The following CYFIP1 variants were observed in gnomAD, a reference collection of about 807,000 sequenced individuals.
CYFIP1 encodes cytoplasmic FMR1 interacting protein 1.
CYFIP1 carries 58 observed loss-of-function variants against 163.5 expected under a neutral mutation model. The ratio of observed to expected loss-of-function variants is 0.35; its 90% confidence interval spans 0.29 to 0.44. The LOEUF (loss-of-function observed/expected upper bound fraction) is 0.44, where lower values mean the gene tolerates loss of function less well. Ranked by LOEUF, CYFIP1 falls within the 20% of genes least tolerant of loss-of-function variation. The pLI, the probability that CYFIP1 is intolerant of heterozygous loss-of-function variation, is 1.00. For synonymous variants in CYFIP1, 663 were observed against 660.7 expected (o/e 1.00, Z -0.05); for missense variants, 1,338 against 1,653.8 (o/e 0.81, Z 3.31).
intron 1 of CYFIP1, among the ~76,000 whole-genome samples, chr15:22,960,369 G>C (rs1007077476): frequency 2.0e-5 from 3 of 152,236 alleles, no homozygotes; most frequent in African/African-American, 7.2e-5. Flanking sequence ...CAGCGGGCTC[G>C]TGCTCTGGGA....
At chr15:22,914,621 A>G in intron 17 of CYFIP1, 105 bp downstream of exon 17, 2 of 1,256,562 alleles carry the variant, frequency 1.6e-6, no homozygotes, top group Non-Finnish European at 2.1e-6. Flanking sequence ...CAGAAACTTG[A>G]TTTCAAATAC....
Position 22,883,520 on chromosome 15 carries a change from A to G in CYFIP1, c.2677-509T>C, listed in dbSNP as rs1248115218. Among the ~76,000 whole-genome samples the G allele has an allele frequency of 2.6e-5, 4 of 152,140 alleles. No homozygotes were observed. In the East Asian group the frequency reaches 7.7e-4, roughly 29 times the overall value. Reference sequence around the variant, plus strand: ...ACCCAAGACTGCATAATTTATTTTAAAAAAAAGCAGGTTTAGGCCAGGCGC... The same window carrying G: ...ACCCAAGACTGCATAATTTATTTTAGAAAAAAGCAGGTTTAGGCCAGGCGC... On this transcript the variant is annotated intron_variant, in intron 23 of 30. Coordinates refer to ENST00000617928, the MANE Select transcript of CYFIP1 (RefSeq NM_014608.6).
At chr15:22,930,535 C>G (rs1213184150) in intron 11 of CYFIP1, among the ~76,000 whole-genome samples, 1 of 152,014 alleles carries the variant, frequency 6.6e-6, no homozygotes, top group Admixed American at 6.6e-5. Context: ...CCCATAAAAT[C>G]TTAACGTAGT....
At chr15:22,945,448 T>C (rs1443137340) in intron 3 of CYFIP1, among the ~76,000 whole-genome samples, 1 of 152,338 alleles carries the variant, frequency 6.6e-6, no homozygotes, top group East Asian at 1.9e-4. Flanking sequence ...AGAGAGTCCA[T>C]GGGAAGAGGA....
At chr15:22,945,103 T>TG in intron 3 of CYFIP1, among the ~76,000 whole-genome samples, 164 bp from the exon 4 acceptor site, 1 of 152,048 alleles carries the variant, frequency 6.6e-6, no homozygotes, top group East Asian at 1.9e-4. Context: ...GGTGCGGCGC[T>TG]GGGGGCCACA....
intron 1 of CYFIP1, among the ~76,000 whole-genome samples, chr15:22,966,205 T>G (rs1443974326): frequency 1.3e-5 from 2 of 150,956 alleles, no homozygotes; most frequent in Non-Finnish European, 3.0e-5. Context: ...AAATACAAAA[T>G]TAGCCAGGCG....
At chr15:22,915,650 G>A (rs2060949077) in intron 16 of CYFIP1, among the ~76,000 whole-genome samples, 1 of 152,192 alleles carries the variant, frequency 6.6e-6, no homozygotes, top group Non-Finnish European at 1.5e-5. Context: ...TTGGGAGGCT[G>A]AGGGAGGAGA....
chr15:22,948,020 G>A, intron 1 of CYFIP1: 3 of 983,970 alleles, frequency 3.0e-6, no homozygotes, highest in Non-Finnish European at 3.6e-6. Context: ...AGGGGCAGCT[G>A]AGCCACATTC....
At chr15:22,963,970 T>C (rs1237787663) in intron 1 of CYFIP1, among the ~76,000 whole-genome samples, 1 of 152,118 alleles carries the variant, frequency 6.6e-6, no homozygotes, top group African/African-American at 2.4e-5. Flanking sequence ...GTTTTGTTTT[T>C]TGTGGATGGG....
chr15:22,883,450 A>C (rs1314899203), intron 23 of CYFIP1, among the ~76,000 whole-genome samples: 1 of 152,128 alleles, frequency 6.6e-6, no homozygotes, highest in Admixed American at 6.5e-5. Flanking sequence ...CGAGGAAGGT[A>C]GTTAGGGTGT....
At chr15:22,963,667 C>G (rs972273312) in intron 1 of CYFIP1, among the ~76,000 whole-genome samples, 2 of 152,132 alleles carry the variant, frequency 1.3e-5, no homozygotes, top group South Asian at 2.1e-4. Flanking sequence ...GTGTTTTGGT[C>G]GCCCCTCACT....
At chr15:22,957,312 C>G (rs2062498637) in intron 1 of CYFIP1, among the ~76,000 whole-genome samples, 1 of 152,208 alleles carries the variant, frequency 6.6e-6, no homozygotes, top group African/African-American at 2.4e-5. Context: ...ACAATCCTGG[C>G]TAACACGGTG....
chr15:22,882,801 A>T (rs1197048717), intron 24 of CYFIP1, 67 bp downstream of exon 24: 2 of 1,548,474 alleles, frequency 1.3e-6, no homozygotes, highest in Admixed American at 3.6e-5. Flanking sequence ...GGCAGAGAAG[A>T]CCCTCTGGCA....
intron 24 of CYFIP1, 106 bp downstream of exon 24, chr15:22,882,762 G>A (rs1442416533): frequency 2.2e-6 from 3 of 1,340,204 alleles, no homozygotes; most frequent in Non-Finnish European, 3.1e-6. Flanking sequence ...CTAATTGAAC[G>A]AATCCAGCTG....
chr15:22,901,017 A>G (rs906085593), intron 22 of CYFIP1, among the ~76,000 whole-genome samples: 4 of 151,776 alleles, frequency 2.6e-5, no homozygotes, highest in Admixed American at 2.0e-4. Flanking sequence ...AGCCTGGCCA[A>G]CATAGTGAAA....
At chr15:22,949,366 C>G (rs565251468) in intron 1 of CYFIP1, among the ~76,000 whole-genome samples, 41 of 152,154 alleles carry the variant, frequency 2.7e-4, no homozygotes, top group African/African-American at 9.9e-4. Flanking sequence ...AAGATGGGAA[C>G]GTGTCTTCCA....
At chr15:22,954,974 G>A (rs952125711) in intron 1 of CYFIP1, among the ~76,000 whole-genome samples, 17 of 152,162 alleles carry the variant, frequency 1.1e-4, no homozygotes, top group African/African-American at 2.9e-4. Flanking sequence ...TCCACCGGGC[G>A]GTGGCAGACT....
At chr15:22,899,287 A>G (rs2060325328) in intron 22 of CYFIP1, among the ~76,000 whole-genome samples, 2 of 152,194 alleles carry the variant, frequency 1.3e-5, no homozygotes, top group African/African-American at 4.8e-5. Flanking sequence ...TGCAGTGCTG[A>G]AATGGAATTG....
Position 22,909,268 on chromosome 15 carries a change from C to T in CYFIP1, c.2314G>A (p.Val772Ile), listed in dbSNP as rs1345669286. The change falls in exon 21 of 31, where the codon GTC becomes ATC. Residue 772 changes from valine (V) to isoleucine (I), a missense_variant. Around this residue, in one of 4 missense-constraint regions of CYFIP1, gnomAD observed 824 missense variants for 995.7 expected, o/e 0.83. Transcript: ENST00000617928. ...AGGGACTTATACATGGCTGCTGAGA[C>T]GCGCTGGGTGATCAGACGATTGAGG... ...IDLNRLITQR[V>I]SAAMYKSLEL... 3.5e-5 allele frequency: 57 copies of T among 1,614,138 alleles called. No individual in the cohort carries two copies. Among genetic ancestry groups the T allele is most frequent in the Middle Eastern group, 1.6e-4 (1 of 6,062 alleles).
Sources: allele counts gnomAD v4.1 joint callset (sites outside exome capture counted in the v4.1 genomes callset), GRCh38; gene constraint gnomAD v4.1.1; regional missense constraint gnomAD v4.1.1; transcripts MANE v1.5; gene names NCBI Gene and HGNC (gene_info 2026-07-23, HGNC 2026-07-21).